EPHA6: variants seen among roughly 807,000 people sequenced by gnomAD.
EPHA6 encodes ephrin type-A receptor 6.
EPHA6 carries 50 observed loss-of-function variants against 112.0 expected under a neutral mutation model. The ratio of observed to expected loss-of-function variants is 0.45; its 90% confidence interval spans 0.36 to 0.56. The LOEUF (loss-of-function observed/expected upper bound fraction) is 0.56. Ranked by LOEUF, EPHA6 falls within the 20% of genes least tolerant of loss-of-function variation. The pLI is 0.00. For synonymous variants in EPHA6, 529 were observed against 490.7 expected, an observed-to-expected ratio of 1.08 and a Z score of -1.03; for missense variants, 1,280 against 1,417.4, an observed-to-expected ratio of 0.90 and a Z score of 1.56.
At chr3:97,603,449 A>G (rs2093657839) in intron 12 of EPHA6, among the ~76,000 whole-genome samples, 1 of 151,972 alleles carries the variant, frequency 6.6e-6, no homozygotes, top group Non-Finnish European at 1.5e-5. Flanking sequence ...ATCACTAGAG[A>G]AAGTATTTTT....
intron 3 of EPHA6, among the ~76,000 whole-genome samples, chr3:97,208,980 T>A (rs2108510445): frequency 6.6e-6 from 1 of 152,274 alleles, no homozygotes; most frequent in Non-Finnish European, 1.5e-5. Flanking sequence ...CAGCAGATAG[T>A]GAATATTTTT....
chr3:97,477,898 A>G (rs1321014201), intron 8 of EPHA6, among the ~76,000 whole-genome samples: 1 of 152,082 alleles, frequency 6.6e-6, no homozygotes, highest in Non-Finnish European at 1.5e-5. Flanking sequence ...CAAATTTATC[A>G]TGTAACTATA....
intron 5 of EPHA6, among the ~76,000 whole-genome samples, chr3:97,389,746 T>G (rs1045675262): frequency 6.6e-5 from 10 of 152,306 alleles, no homozygotes; most frequent in African/African-American, 2.4e-4. Context: ...TCATTTTGAA[T>G]AATAATTAGC....
intron 3 of EPHA6, among the ~76,000 whole-genome samples, chr3:97,036,883 A>G (rs2045118527): frequency 1.3e-5 from 2 of 151,988 alleles, no homozygotes; most frequent in Admixed American, 1.3e-4. Context: ...GATAGCTCAC[A>G]GCTGCTCCCT....
At chr3:97,638,573 T>G (rs1265118091) in intron 14 of EPHA6, among the ~76,000 whole-genome samples, 1 of 152,174 alleles carries the variant, frequency 6.6e-6, no homozygotes, top group African/African-American at 2.4e-5. Context: ...TCTAAACCTT[T>G]TCCTAAATGA....
At chr3:97,550,839 A>G (rs1420940785) in intron 11 of EPHA6, among the ~76,000 whole-genome samples, 2 of 152,128 alleles carry the variant, frequency 1.3e-5, no homozygotes, top group East Asian at 1.9e-4. Flanking sequence ...CAGTAAGTAC[A>G]TATAGATGAA....
intron 3 of EPHA6, among the ~76,000 whole-genome samples, chr3:97,045,580 A>G (rs1319856837): frequency 6.6e-6 from 1 of 152,044 alleles, no homozygotes; most frequent in African/African-American, 2.4e-5. Flanking sequence ...AGCTAGTTAA[A>G]TACTCAAAAG....
At chr3:96,988,761 C>CT in intron 3 of EPHA6, among the ~76,000 whole-genome samples, 1 of 152,150 alleles carries the variant, frequency 6.6e-6, no homozygotes, top group African/African-American at 2.4e-5. Context: ...TATGTGACAT[C>CT]TAATTGTCAG....
intron 3 of EPHA6, among the ~76,000 whole-genome samples, chr3:97,215,159 TG>T (rs2077996847): frequency 6.6e-6 from 1 of 152,198 alleles, no homozygotes; most frequent in Non-Finnish European, 1.5e-5. Context: ...CAGCATGATA[TG>T]CTAGCTAGGA....
At chr3:97,677,093 A>T (rs913821133) in intron 14 of EPHA6, among the ~76,000 whole-genome samples, 2 of 152,174 alleles carry the variant, frequency 1.3e-5, no homozygotes, top group Admixed American at 1.3e-4. Context: ...TTCATTTTTA[A>T]AAAACTTTAG....
intron 3 of EPHA6, among the ~76,000 whole-genome samples, chr3:96,995,430 A>G (rs1459055205): frequency 1.3e-5 from 2 of 152,160 alleles, no homozygotes; most frequent in Admixed American, 6.6e-5. Context: ...TTCAATTCCA[A>G]ACAAAGCAGC....
chr3:97,051,792 T>G (rs2045692722), intron 3 of EPHA6, among the ~76,000 whole-genome samples: 1 of 152,098 alleles, frequency 6.6e-6, no homozygotes, highest in African/African-American at 2.4e-5. Flanking sequence ...GATTCTGATA[T>G]AATTGTTCCA....
chr3:96,989,937 C>A lies in EPHA6; in HGVS notation c.1114+1944C>A, dbSNP rs181217839. ...AAAATTTATACATATGAATAATTAT[C>A]CAGTTAAGTGGAGAAGACAATAAGA... On this transcript the variant is annotated intron_variant, in intron 3 of 17. Transcript: ENST00000389672. Among the ~76,000 whole-genome samples, 270 of 152,136 alleles carry A rather than the reference C, an allele frequency of 1.8e-3. 2 individuals carry two copies. The highest frequency in any genetic ancestry group is 6.0e-3 in the African/African-American group (250 of 41,498).
chr3:97,466,445 G>A (rs372576296), intron 7 of EPHA6: 102 of 1,550,640 alleles, frequency 6.6e-5, no homozygotes, highest in Non-Finnish European at 8.8e-5. Flanking sequence ...TGACAAAACT[G>A]TACTGGCTTA....
intron 3 of EPHA6, among the ~76,000 whole-genome samples, chr3:97,027,710 C>T (rs1471652617): frequency 1.3e-5 from 2 of 152,186 alleles, no homozygotes; most frequent in African/African-American, 4.8e-5. Context: ...ATAACAGTCT[C>T]AGTTCCTTTT....
At chr3:97,464,926 G>C (rs1010093865) in intron 7 of EPHA6, among the ~76,000 whole-genome samples, 9 of 152,222 alleles carry the variant, frequency 5.9e-5, no homozygotes, top group Non-Finnish European at 1.3e-4. Flanking sequence ...TCTGGCAGCA[G>C]TAGGATAGCA....
At chr3:97,386,458 A>C (rs2086076224) in intron 5 of EPHA6, among the ~76,000 whole-genome samples, 1 of 152,210 alleles carries the variant, frequency 6.6e-6, no homozygotes, top group African/African-American at 2.4e-5. Context: ...GGCAGTCATT[A>C]AACCTCAAAG....
rs80034332 is a variant in EPHA6, at chr3:97,656,671, A to G, written c.2784+18589A>G. Among the ~76,000 whole-genome samples the G allele has an allele frequency of 5.1e-4, 78 of 152,040 alleles. 4 individuals carry two copies. In the East Asian group the frequency reaches 0.015, roughly 29 times the overall value. The stretch of plus-strand genomic sequence containing the variant: ...TTACTGATCAGGCTTATATAGGTCA[A>G]ACCTTTGCAGTCATGATTTATTGCA... On this transcript the variant is annotated intron_variant, in intron 14 of 17. Coordinates refer to ENST00000389672, the MANE Select transcript of EPHA6 (RefSeq NM_001080448.3).
intron 14 of EPHA6, among the ~76,000 whole-genome samples, chr3:97,699,672 A>G (rs1367075867): frequency 6.6e-6 from 1 of 152,230 alleles, no homozygotes; most frequent in African/African-American, 2.4e-5. Flanking sequence ...CAACATAGAA[A>G]TTAAAACTTA....
Sources: gnomAD v4.1 joint callset for allele counts (sites outside exome capture counted in the v4.1 genomes callset) on GRCh38, gnomAD v4.1.1 for gene constraint, MANE v1.5 for transcripts, NCBI Gene and HGNC (gene_info 2026-07-23, HGNC 2026-07-21) for gene names.